Variants in TMEM132B observed in about 807,000 individuals in gnomAD.
The protein encoded by TMEM132B is transmembrane protein 132B.
Under a neutral mutation model 90.8 loss-of-function variants are expected in TMEM132B, and 18 were observed. The ratio of observed to expected loss-of-function variants is 0.20; its 90% CI spans 0.14 to 0.29. The LOEUF is 0.29. Among genes scored for constraint, TMEM132B ranks in the 10% least tolerant of loss-of-function variants. The probability of loss-of-function intolerance (pLI) is 1.00; values close to 1 mark genes in which losing one functional copy is unlikely to be tolerated. For missense variants in TMEM132B, 1,096 were observed against 1,326.8 expected, an observed-to-expected ratio of 0.83 and a Z score of 2.70; for synonymous variants, 504 against 523.3, an observed-to-expected ratio of 0.96 and a Z score of 0.50.
At chr12:125,396,882 G>A (rs750484269) in intron 2 of TMEM132B, among the ~76,000 whole-genome samples, 30 of 152,086 alleles carry the variant, frequency 2.0e-4, no homozygotes, top group Non-Finnish European at 3.8e-4. Context: ...ACTTTTCCAC[G>A]TTCACACAGC....
At chr12:125,342,489 C>T (rs1283270244) in intron 1 of TMEM132B, among the ~76,000 whole-genome samples, 2 of 152,172 alleles carry the variant, frequency 1.3e-5, no homozygotes, top group Non-Finnish European at 2.9e-5. Flanking sequence ...AGGGGTGGGT[C>T]TCTGCAAAAC....
At chr12:125,426,542 C>T (rs913784189) in intron 3 of TMEM132B, among the ~76,000 whole-genome samples, 3 of 152,104 alleles carry the variant, frequency 2.0e-5, no homozygotes, top group African/African-American at 2.4e-5. Flanking sequence ...ATTTTTGGCC[C>T]CTGAGTCTTC....
intron 1 of TMEM132B, among the ~76,000 whole-genome samples, chr12:125,216,816 G>C (rs372306636): frequency 1.3e-5 from 2 of 152,172 alleles, no homozygotes; most frequent in East Asian, 3.9e-4. Flanking sequence ...CAGATGTCTG[G>C]ACCCAGGGGC....
intron 5 of TMEM132B, among the ~76,000 whole-genome samples, chr12:125,599,575 A>G (rs773387625): frequency 2.0e-5 from 3 of 152,094 alleles, no homozygotes; most frequent in Non-Finnish European, 4.4e-5. Context: ...CTGAACGATC[A>G]TGCTTGGGTC....
intron 3 of TMEM132B, among the ~76,000 whole-genome samples, chr12:125,420,237 A>T (rs532724469): frequency 3.9e-5 from 6 of 152,364 alleles, no homozygotes; most frequent in African/African-American, 1.4e-4. Flanking sequence ...TCCCTTCTGT[A>T]CTGCCCTAGC....
intron 1 of TMEM132B, among the ~76,000 whole-genome samples, chr12:125,196,124 GT>G (rs1343583135): frequency 6.6e-6 from 1 of 152,216 alleles, no homozygotes; most frequent in African/African-American, 2.4e-5. Flanking sequence ...GGACTGAGTG[GT>G]TGCTGCAGAG....
intron 2 of TMEM132B, among the ~76,000 whole-genome samples, chr12:125,371,103 G>A (rs1455402045): frequency 1.3e-5 from 2 of 150,748 alleles, no homozygotes; most frequent in African/African-American, 2.4e-5. Context: ...CCTGGAGTCT[G>A]ATGTTCGAGG....
At position 125,277,179 on chromosome 12, in the gene TMEM132B, T is replaced by C. The variant is rs546248760; in HGVS notation, c.68-72273T>C. On this transcript the variant is annotated intron_variant, in intron 1 of 8. Transcript: ENST00000682704. The surrounding 1 kb of genome is among the most constrained non-coding windows in gnomAD (Gnocchi z 4.3). ...CCCTAATCCCATATGACTGGTGTCC[T>C]TAGATGAAGAGGGAGAACAGGCCGG... Among the ~76,000 whole-genome samples the C allele has an allele frequency of 3.9e-5, 6 of 152,228 alleles. No individual in the cohort carries two copies. The highest frequency in any genetic ancestry group is 1.4e-4 in the African/African-American group (6 of 41,550).
intron 5 of TMEM132B, among the ~76,000 whole-genome samples, chr12:125,627,876 T>C (rs888299513): frequency 6.6e-6 from 1 of 152,166 alleles, no homozygotes; most frequent in Non-Finnish European, 1.5e-5. Flanking sequence ...TCAATTGTTT[T>C]GATTTTTAGA....
intron 2 of TMEM132B, among the ~76,000 whole-genome samples, chr12:125,368,718 C>A (rs1212328908): frequency 2.0e-5 from 3 of 152,136 alleles, no homozygotes; most frequent in Non-Finnish European, 2.9e-5. Context: ...CAGGAATAGA[C>A]CCTGCCAGGA....
Position 125,654,879 on chromosome 12 carries a change from T to C in TMEM132B, c.*169T>C. On this transcript the variant is annotated 3_prime_UTR_variant, in exon 9 of 9. Coordinates refer to ENST00000682704, the MANE Select transcript of TMEM132B (RefSeq NM_001366854.1). This position sits in a 1 kb window ranked among gnomAD's most constrained non-coding sequence, Gnocchi z 5.8. ...GGTTTGGAGAGCTATAGAAGCTGGG[T>C]TTTAAGTTTGGAAATGCCTCTAAAA... The C allele has an allele frequency of 1.2e-6, 1 of 812,062 alleles. No homozygotes were observed. Among genetic ancestry groups the C allele is most frequent in the South Asian group, 2.0e-5 (1 of 50,646 alleles). The allele number at this position is 812,062 out of a possible 1,614,324, so 50.3% of individuals were successfully genotyped here. A position where few individuals can be genotyped will look rare whatever the true frequency, so the allele number is the denominator to read the frequency against.
chr12:125,239,388 GA>G (rs890934058), intron 1 of TMEM132B, among the ~76,000 whole-genome samples: 1 of 151,948 alleles, frequency 6.6e-6, no homozygotes, highest in East Asian at 1.9e-4. Context: ...ACGGCTTTAA[GA>G]AAAAAAATTC....
At chr12:125,330,701 T>C (rs1680317796) in intron 1 of TMEM132B, among the ~76,000 whole-genome samples, 1 of 152,186 alleles carries the variant, frequency 6.6e-6, no homozygotes, top group Non-Finnish European at 1.5e-5. Flanking sequence ...CCTAGTGTAT[T>C]GCTTTGAAAA....
chr12:125,348,773 C>T (rs1033996428), intron 1 of TMEM132B, among the ~76,000 whole-genome samples: 9 of 152,216 alleles, frequency 5.9e-5, no homozygotes, highest in Non-Finnish European at 1.3e-4. Flanking sequence ...TAGGAAGTGG[C>T]AAAGCCAGGA....
At chr12:125,522,506 A>G (rs1359837168) in intron 4 of TMEM132B, among the ~76,000 whole-genome samples, 2 of 152,136 alleles carry the variant, frequency 1.3e-5, no homozygotes, top group Non-Finnish European at 2.9e-5. Flanking sequence ...CCAAAGCAAC[A>G]TTTCTTGAGA....
intron 4 of TMEM132B, among the ~76,000 whole-genome samples, chr12:125,560,011 G>A (rs116595984): frequency 0.012 from 1,895 of 152,258 alleles, 38 homozygotes; most frequent in African/African-American, 0.043. Flanking sequence ...CTGGGCTCCC[G>A]CTTCTTAATG....
intron 4 of TMEM132B, among the ~76,000 whole-genome samples, chr12:125,573,956 C>T (rs1236684812): frequency 7.2e-5 from 11 of 152,158 alleles, no homozygotes; most frequent in Admixed American, 5.2e-4. Flanking sequence ...AATATAGGGT[C>T]CAATTCATCA....
chr12:125,638,880 T>C (rs1300177519), intron 5 of TMEM132B, among the ~76,000 whole-genome samples: 3 of 152,216 alleles, frequency 2.0e-5, no homozygotes, highest in Admixed American at 6.5e-5. Flanking sequence ...GTTGCAAAAG[T>C]GTAATTTGAC....
At chr12:125,366,269 G>A (rs754295930) in intron 2 of TMEM132B, among the ~76,000 whole-genome samples, 3 of 151,612 alleles carry the variant, frequency 2.0e-5, no homozygotes, top group African/African-American at 7.3e-5. Context: ...TTCTTTATTC[G>A]TTCATCCATT....
Sources: gnomAD v4.1 joint callset for allele counts (sites outside exome capture counted in the v4.1 genomes callset) on GRCh38, gnomAD v4.1.1 for gene constraint, Gnocchi (gnomAD v3.1) non-coding constraint, MANE v1.5 for transcripts, NCBI Gene and HGNC (gene_info 2026-07-23, HGNC 2026-07-21) for gene names.